TSNARE1: variants seen among roughly 807,000 people sequenced by gnomAD.
TSNARE1 encodes t-SNARE domain containing 1.
Under a neutral mutation model 62.0 loss-of-function variants are expected in TSNARE1, and 49 were observed. The ratio of observed to expected loss-of-function variants is 0.79; its 90% confidence interval spans 0.63 to 1.00. The LOEUF (loss-of-function observed/expected upper bound fraction) is 1.00. TSNARE1 is among the 50% of genes least tolerant of loss of function. TSNARE1 has a pLI of 0.00. For synonymous variants in TSNARE1, 328 were observed against 294.4 expected (o/e 1.11, Z -1.17); for missense variants, 755 against 700.1 (o/e 1.08, Z -0.88).
At chr8:142,313,072 GTC>G (rs1174646669) in intron 9 of TSNARE1, among the ~76,000 whole-genome samples, 2 of 152,088 alleles carry the variant, frequency 1.3e-5, no homozygotes, top group African/African-American at 4.8e-5. Context: ...GTGTCTGTGT[GTC>G]TGTGTTTATC....
rs116537299 is a variant in TSNARE1, at chr8:142,369,544, G to A, written c.-39-14781C>T. On this transcript the variant is annotated intron_variant, in intron 1 of 13. Coordinates refer to ENST00000524325, the MANE Select transcript of TSNARE1 (RefSeq NM_145003.5). ...CTGAGGAGAGGTCAGAACCATCAAG[G>A]AATTTAAAATAACTATGGCTTCTAT... Among the ~76,000 whole-genome samples, 863 of 152,298 alleles carry A rather than the reference G, an allele frequency of 5.7e-3. 7 individuals carry two copies. The highest frequency in any genetic ancestry group is 0.02 in the African/African-American group (825 of 41,554).
intron 1 of TSNARE1, among the ~76,000 whole-genome samples, chr8:142,380,671 T>C (rs2131206446): frequency 6.6e-6 from 1 of 151,844 alleles, no homozygotes; most frequent in Middle Eastern, 3.4e-3. Context: ...ACAGCAAGTG[T>C]GGAAACAAGC....
chr8:142,282,148 T>C (rs1212399161), intron 11 of TSNARE1, among the ~76,000 whole-genome samples: 1 of 152,174 alleles, frequency 6.6e-6, no homozygotes, highest in Non-Finnish European at 1.5e-5. Context: ...CCTCTTCTCG[T>C]GGATGCAGGG....
In TSNARE1 at chr8:142,229,923, T is replaced by C. The variant is rs11986816; in HGVS notation, c.1447-344A>G. Among the ~76,000 whole-genome samples the C allele has an allele frequency of 7.3e-3, 1,111 of 152,228 alleles. 12 individuals carry two copies. Among genetic ancestry groups the C allele is most frequent in the African/African-American group, 0.025 (1,050 of 41,510 alleles). The stretch of plus-strand genomic sequence containing the variant: ...CTCTTCTTGGTACCTTAAATTATTT[T>C]GTAAGGATAAGATGATGCCATGGAC... On this transcript the variant is annotated intron_variant, in intron 12 of 13. Transcript: ENST00000524325.
At chr8:142,216,862 C>T (rs1359887453) in intron 13 of TSNARE1, among the ~76,000 whole-genome samples, 4 of 152,196 alleles carry the variant, frequency 2.6e-5, no homozygotes, top group African/African-American at 9.7e-5. Context: ...CTGGGCTGGA[C>T]ACCAGACAGC....
At chr8:142,223,298 C>CCACTCATT (rs1213799541) in intron 13 of TSNARE1, among the ~76,000 whole-genome samples, 34,531 of 54,810 alleles carry the variant, frequency 0.63, 11,816 homozygotes, top group African/African-American at 0.7. Flanking sequence ...ACTCACTCAA[C>CCACTCATT]CACTCACTCA....
chr8:142,331,769 G>C lies in TSNARE1; in HGVS notation c.808C>G (p.Arg270Gly). 1.2e-6 allele frequency: 2 copies of C among 1,601,594 alleles called. No individual in the cohort carries two copies. Among genetic ancestry groups the C allele is most frequent in the Non-Finnish European group, 1.7e-6 (2 of 1,174,348 alleles). Reference sequence around the variant, plus strand: ...GCACACTCACCACTGGAGTTGATTCGGAAGACGTTGGCCGACATCTCCTGG... The same window carrying C: ...GCACACTCACCACTGGAGTTGATTCCGAAGACGTTGGCCGACATCTCCTGG... Reference protein sequence around the residue: ...LFQEMSANVFRINSSVTSLER... With the variant: ...LFQEMSANVFGINSSVTSLER... Residue 270 changes from arginine (R) to glycine (G), a missense_variant, in exon 5 of 14, where the codon CGA becomes GGA. Physicochemically the swap from Arg to Gly is moderately radical, Grantham distance 125. Transcript: ENST00000524325.
intron 1 of TSNARE1, 103 bp from the exon 2 acceptor site, chr8:142,354,866 C>A (rs1304227781): frequency 3.0e-6 from 2 of 657,964 alleles, no homozygotes; most frequent in African/African-American, 3.6e-5. Flanking sequence ...AGCCCCAAGA[C>A]CCTGGCTCCA....
At chr8:142,322,307 A>G (rs1366529371) in intron 6 of TSNARE1, among the ~76,000 whole-genome samples, 1 of 152,226 alleles carries the variant, frequency 6.6e-6, no homozygotes, top group Non-Finnish European at 1.5e-5. Context: ...AAAAAACAAA[A>G]CAAACATCTA....
At chr8:142,214,126 C>A (rs775818854) in intron 13 of TSNARE1, among the ~76,000 whole-genome samples, 3 of 152,318 alleles carry the variant, frequency 2.0e-5, no homozygotes, top group Non-Finnish European at 4.4e-5. Context: ...GACTGGCCGA[C>A]TCTGACATAG....
At chr8:142,340,210 C>T (rs1367653283) in intron 4 of TSNARE1, among the ~76,000 whole-genome samples, 1 of 152,212 alleles carries the variant, frequency 6.6e-6, no homozygotes, top group Non-Finnish European at 1.5e-5. Flanking sequence ...CACGGGGCCA[C>T]ATAAGAGAAG....
rs773308268 is a variant in TSNARE1 at position 142,345,805 on chromosome 8, T to C, written c.176A>G (p.Lys59Arg). ...ESKLQNRCVG[K>R]DGEGDLGPAG... Reference sequence around the variant, plus strand: ...TGGCCCCAGATCACCTTCCCCGTCCTTCCCCACACAGCGGTTCTGCAGCTT... The same window carrying C: ...TGGCCCCAGATCACCTTCCCCGTCCCTCCCCACACAGCGGTTCTGCAGCTT... Residue 59 changes from lysine to arginine, a missense_variant, in exon 3 of 14, where the codon AAG (lysine) becomes AGG (arginine). Lys to Arg is a conservative substitution (Grantham distance 26). Coordinates refer to ENST00000524325, the MANE Select transcript of TSNARE1 (RefSeq NM_145003.5). 2 of 1,613,748 alleles carry C rather than the reference T, an allele frequency of 1.2e-6. No individual in the cohort carries two copies. The highest frequency in any genetic ancestry group is 1.3e-5 in the African/African-American group (1 of 74,910).
chr8:142,310,960 G>A (rs764625126), intron 9 of TSNARE1, among the ~76,000 whole-genome samples: 4 of 151,490 alleles, frequency 2.6e-5, no homozygotes, highest in African/African-American at 7.3e-5. Flanking sequence ...AGCAATTCTC[G>A]GCCTCAGCCT....
At chr8:142,271,532 G>A (rs1819544448) in intron 12 of TSNARE1, 12 of 1,360,498 alleles carry the variant, frequency 8.8e-6, no homozygotes, top group Middle Eastern at 2.6e-4. Context: ...GAGTGTGGTT[G>A]CTGGTGGGGT....
chr8:142,221,773 T>A (rs1358958815), intron 13 of TSNARE1, among the ~76,000 whole-genome samples: 4 of 115,740 alleles, frequency 3.5e-5, no homozygotes, highest in Non-Finnish European at 7.7e-5. Flanking sequence ...ACTCACTCAC[T>A]CATTCACTCA....
rs572954039 is a variant in TSNARE1 at position 142,318,720 on chromosome 8, C to G, written c.894-86G>C. ...CCCAGAAGGACGGAGCAAGCAGGGA[C>G]GCACGGGCCGAGTGGGGGAGACAGA... is the stretch of plus-strand genomic sequence containing the variant. On this transcript the variant is annotated intron_variant, in intron 6 of 13. Transcript: ENST00000524325. 1.5e-5 allele frequency: 19 copies of G among 1,299,404 alleles called. 1 individual carries two copies. In the South Asian group the frequency reaches 1.8e-4, roughly 12 times the overall value. The allele number at this position is 1,299,404 out of a possible 1,614,324, so 80.5% of individuals were successfully genotyped here. A position where few individuals can be genotyped will look rare whatever the true frequency, so the allele number is the denominator to read the frequency against.
intron 13 of TSNARE1, among the ~76,000 whole-genome samples, chr8:142,222,496 TCACTCATC>T (rs1563755254): frequency 2.1e-5 from 2 of 93,738 alleles, no homozygotes; most frequent in Non-Finnish European, 2.3e-5. Flanking sequence ...ACTCATCCAC[TCACTCATC>T]CACTCACTCA....
chr8:142,318,557 C>A lies in TSNARE1; in HGVS notation c.971G>T (p.Arg324Leu), dbSNP rs201878259. ...SSVKQMAELL[R>L]SSCPQERLQQ... Reference sequence around the variant, plus strand: ...CCAGGAACATACCGGGCAGGAGCTGCGCAGCAGCTCGGCCATCTGCTTCAC... The same window carrying A: ...CCAGGAACATACCGGGCAGGAGCTGAGCAGCAGCTCGGCCATCTGCTTCAC... The change falls in exon 7 of 14, where the codon CGC becomes CTC. Residue 324 changes from arginine (R) to leucine (L), a missense_variant. Physicochemically the swap from Arg to Leu is moderately radical, Grantham distance 102. Coordinates refer to ENST00000524325, the MANE Select transcript of TSNARE1 (RefSeq NM_145003.5). The A allele has an allele frequency of 2.5e-6, 4 of 1,612,970 alleles. No homozygotes were observed. Among genetic ancestry groups the A allele is most frequent in the Admixed American group, 1.7e-5 (1 of 59,998 alleles).
At chr8:142,390,241 A>G (rs1246189370) in intron 1 of TSNARE1, among the ~76,000 whole-genome samples, 4 of 150,814 alleles carry the variant, frequency 2.7e-5, no homozygotes, top group South Asian at 2.1e-4. Flanking sequence ...GGGGGACTTT[A>G]TAACAGACGC....
Sources: gnomAD v4.1 joint callset for allele counts (sites outside exome capture counted in the v4.1 genomes callset) on GRCh38, gnomAD v4.1.1 for gene constraint, MANE v1.5 for transcripts, NCBI Gene and HGNC (gene_info 2026-07-23, HGNC 2026-07-21) for gene names.